GOLM1: variants seen among roughly 807,000 people sequenced by gnomAD.
GOLM1 encodes the protein epididymis luminal protein 46.
Under a neutral mutation model 50.5 loss-of-function variants are expected in GOLM1, and 31 were observed. That is an observed-to-expected ratio of 0.61 (90% CI 0.46 to 0.83). GOLM1 has a LOEUF of 0.83. Ranked by LOEUF, GOLM1 falls within the 40% of genes least tolerant of loss-of-function variation. The probability of loss-of-function intolerance (pLI) is 0.00; values close to 1 mark genes in which losing one functional copy is unlikely to be tolerated. For missense variants in GOLM1, 491 were observed against 501.3 expected, an observed-to-expected ratio of 0.98 and a Z score of 0.20; for synonymous variants, 178 against 192.8, an observed-to-expected ratio of 0.92 and a Z score of 0.64.
intron 1 of GOLM1, among the ~76,000 whole-genome samples, chr9:86,090,086 C>T (rs1330961234): frequency 6.6e-6 from 1 of 152,122 alleles, no homozygotes; most frequent in Admixed American, 6.6e-5. Context: ...ATCAGAAAAG[C>T]AAAGATTGCT....
rs769167043 is a variant in GOLM1, at chr9:86,027,877, A to G, written c.1146T>C (p.Asp382=). ...DRNIDVFNVE[D]QKRDTINLLD... Reference sequence around the variant, plus strand: ...GTAAATTTATGGTGTCTCTTTTCTGATCTTCAACATTAAAAACTAAAAAGG... The same window carrying G: ...GTAAATTTATGGTGTCTCTTTTCTGGTCTTCAACATTAAAAACTAAAAAGG... Residue 382 remains aspartate (D), a synonymous_variant, in exon 10 of 10, where the codon GAT becomes GAC. Transcript: ENST00000388712. 3.7e-6 allele frequency: 6 copies of G among 1,600,268 alleles called. No homozygotes were observed. Among genetic ancestry groups the G allele is most frequent in the Middle Eastern group, 1.6e-4 (1 of 6,064 alleles).
chr9:86,033,199 G>T, intron 9 of GOLM1, 83 bp downstream of exon 9: 2 of 767,322 alleles, frequency 2.6e-6, no homozygotes, highest in Non-Finnish European at 2.3e-6. Context: ...TATAATTTTG[G>T]GGATTCATTG....
intron 3 of GOLM1, among the ~76,000 whole-genome samples, chr9:86,059,088 A>G (rs1410268657): frequency 6.6e-6 from 1 of 152,150 alleles, no homozygotes; most frequent in African/African-American, 2.4e-5. Flanking sequence ...CCCCCCCCCA[A>G]TACACAGTGG....
At chr9:86,047,150 T>C (rs1415613408) in intron 4 of GOLM1, among the ~76,000 whole-genome samples, 1 of 145,352 alleles carries the variant, frequency 6.9e-6, no homozygotes, top group Non-Finnish European at 1.5e-5. Flanking sequence ...AAAGAGCGGC[T>C]TTCTTTAAGG....
chr9:86,082,865 A>C (rs1834827899), intron 1 of GOLM1, among the ~76,000 whole-genome samples: 1 of 152,220 alleles, frequency 6.6e-6, no homozygotes, highest in South Asian at 2.1e-4. Context: ...ATATATAAGC[A>C]TCAATATATT....
rs71505776 is a variant in GOLM1, at chr9:86,088,572, GTTTTT to G, written c.-21-9236_-21-9232del. ...TCAGAGGATTGCAACTCCTGGTTTT[GTTTTT>G]TTTTTTTTTTTGTTTTGTTTTTTTG... On this transcript the variant is annotated intron_variant, in intron 1 of 9. Coordinates refer to ENST00000388712, the MANE Select transcript of GOLM1 (RefSeq NM_016548.4). 6.5e-3 allele frequency among the ~76,000 whole-genome samples: 706 copies of G among 108,764 alleles called. 5 individuals are homozygous for G. Among genetic ancestry groups the G allele is most frequent in the South Asian group, 0.023 (78 of 3,356 alleles). The allele number at this position is 108,764 out of a possible 152,430, so 71.4% of individuals were successfully genotyped here. A position where few individuals can be genotyped will look rare whatever the true frequency, so the allele number is the denominator to read the frequency against.
chr9:86,091,107 G>C (rs1006492718), intron 1 of GOLM1, among the ~76,000 whole-genome samples: 1 of 152,164 alleles, frequency 6.6e-6, no homozygotes, highest in African/African-American at 2.4e-5. Flanking sequence ...ACCAGTCCCA[G>C]TGAGATGAGC....
chr9:86,087,750 T>C (rs759575577), intron 1 of GOLM1, among the ~76,000 whole-genome samples: 4 of 152,220 alleles, frequency 2.6e-5, no homozygotes, highest in Non-Finnish European at 5.9e-5. Context: ...CGTCTACTAA[T>C]TCATATGTTG....
intron 6 of GOLM1, chr9:86,036,762 A>G (rs1833159455): frequency 8.3e-6 from 4 of 484,128 alleles, no homozygotes; most frequent in Non-Finnish European, 1.4e-5. Context: ...TGCTGAGAGG[A>G]AGCATTTACG....
chr9:86,057,513 C>G (rs7862902), intron 3 of GOLM1, among the ~76,000 whole-genome samples: 37,358 of 151,988 alleles, frequency 0.25, 6,870 homozygotes, highest in East Asian at 0.5. Context: ...TCACCCGAGC[C>G]GGGGTGCAGC....
At chr9:86,033,033 A>G (rs909041210) in intron 9 of GOLM1, among the ~76,000 whole-genome samples, 1 of 152,170 alleles carries the variant, frequency 6.6e-6, no homozygotes, top group Admixed American at 6.5e-5. Context: ...CTACTTAAAG[A>G]GTTGAGCCAC....
intron 3 of GOLM1, among the ~76,000 whole-genome samples, chr9:86,061,013 G>A (rs892593856): frequency 6.7e-6 from 1 of 149,168 alleles, no homozygotes; most frequent in Non-Finnish European, 1.5e-5. Flanking sequence ...TCATGGTATT[G>A]TGGCTATGAG....
At chr9:86,062,215 C>A (rs1834180463) in intron 3 of GOLM1, among the ~76,000 whole-genome samples, 1 of 152,110 alleles carries the variant, frequency 6.6e-6, no homozygotes, top group Non-Finnish European at 1.5e-5. Context: ...GCTCCCAGGA[C>A]CCGCCCTGGG....
intron 3 of GOLM1, among the ~76,000 whole-genome samples, chr9:86,064,813 C>G (rs759061452): frequency 3.3e-5 from 5 of 152,202 alleles, no homozygotes; most frequent in Non-Finnish European, 7.3e-5. Flanking sequence ...GAGCCGCCTG[C>G]CTGGTGGGGG....
At chr9:86,089,141 G>A (rs1835092689) in intron 1 of GOLM1, among the ~76,000 whole-genome samples, 1 of 152,180 alleles carries the variant, frequency 6.6e-6, no homozygotes, top group African/African-American at 2.4e-5. Context: ...TTAGTCTGAT[G>A]GGCTTCCCTT....
Position 86,035,517 on chromosome 9 carries a change from C to A in GOLM1, c.866G>T (p.Gly289Val). 1.2e-6 allele frequency: 2 copies of A among 1,612,616 alleles called. No individual in the cohort carries two copies. Among genetic ancestry groups the A allele is most frequent in the Non-Finnish European group, 1.7e-6 (2 of 1,179,998 alleles). ...VVEDRPVGGRGFGGAGELGQT... is the reference protein window; with the variant it reads ...VVEDRPVGGRVFGGAGELGQT... ...GCCCAGTTCTCCGGCTCCCCCGAAG[C>A]CTCTTCCACCTACAGGTCTGTCTTC... is the stretch of plus-strand genomic sequence containing the variant. The change falls in exon 8 of 10, where the codon GGC becomes GTC. Residue 289 changes from glycine to valine, a missense_variant. Transcript: ENST00000388712.
At chr9:86,092,373 C>T (rs1835212199) in intron 1 of GOLM1, among the ~76,000 whole-genome samples, 1 of 151,996 alleles carries the variant, frequency 6.6e-6, no homozygotes, top group South Asian at 2.1e-4. Flanking sequence ...CTCTTTCCTT[C>T]TCCTGACTCT....
intron 5 of GOLM1, among the ~76,000 whole-genome samples, chr9:86,045,029 T>G (rs1013402964): frequency 1.3e-5 from 2 of 152,212 alleles, no homozygotes; most frequent in African/African-American, 4.8e-5. Flanking sequence ...TTTTTATCCT[T>G]AAAATCCCTT....
chr9:86,035,663 A>C, intron 7 of GOLM1, 38 bp from the exon 8 acceptor site: 2 of 1,125,900 alleles, frequency 1.8e-6, no homozygotes, highest in Non-Finnish European at 2.4e-6. Context: ...CCTTGCCAGC[A>C]TTTGATTTAA....
Sources: allele counts gnomAD v4.1 joint callset (sites outside exome capture counted in the v4.1 genomes callset), GRCh38; gene constraint gnomAD v4.1.1; transcripts MANE v1.5; gene names NCBI Gene and HGNC (gene_info 2026-07-23, HGNC 2026-07-21).